Variants in XYLT1 observed in about 807,000 individuals in gnomAD.
The protein encoded by XYLT1 is beta-D-xylosyltransferase 1.
In XYLT1, 36 loss-of-function variants were observed where a neutral mutation model predicts 91.3. That is an observed-to-expected ratio of 0.39 (90% confidence interval 0.30 to 0.52). The LOEUF is 0.52. Ranked by LOEUF, XYLT1 falls within the 20% of genes least tolerant of loss-of-function variation. The pLI is 0.68. For missense variants in XYLT1, 1,242 were observed against 1,284.5 expected (o/e 0.97, Z 0.51); for synonymous variants, 588 against 532.0 (o/e 1.11, Z -1.45).
At chr16:17,441,383 T>C (rs1319241613) in intron 1 of XYLT1, among the ~76,000 whole-genome samples, 1 of 152,142 alleles carries the variant, frequency 6.6e-6, no homozygotes, top group African/African-American at 2.4e-5. Flanking sequence ...TTATTAAATA[T>C]TGCACTAAAA....
intron 1 of XYLT1, among the ~76,000 whole-genome samples, chr16:17,453,094 C>T (rs566649074): frequency 3.3e-5 from 5 of 152,276 alleles, no homozygotes; most frequent in Admixed American, 6.5e-5. Context: ...ATTTTAAAGA[C>T]GAAAACTGAG....
chr16:17,350,452 C>T (rs2035205455), intron 2 of XYLT1, among the ~76,000 whole-genome samples: 1 of 152,222 alleles, frequency 6.6e-6, no homozygotes, highest in South Asian at 2.1e-4. Context: ...TCCAGACTCC[C>T]TGTCCATTGA....
At chr16:17,126,201 G>A (rs7199226) in intron 10 of XYLT1, among the ~76,000 whole-genome samples, 98,323 of 151,596 alleles carry the variant, frequency 0.65, 32,783 homozygotes, top group Non-Finnish European at 0.71. Flanking sequence ...TGTGTAGTGA[G>A]GACCATCCCC....
At chr16:17,400,000 C>T (rs1377460425) in intron 1 of XYLT1, among the ~76,000 whole-genome samples, 2 of 152,212 alleles carry the variant, frequency 1.3e-5, no homozygotes, top group African/African-American at 4.8e-5. Context: ...AGGATCCAGC[C>T]AGCGGACTTC....
chr16:17,270,658 C>T (rs753083042), intron 2 of XYLT1, among the ~76,000 whole-genome samples: 11 of 152,186 alleles, frequency 7.2e-5, no homozygotes, highest in Non-Finnish European at 1.6e-4. Context: ...CTACCAGGCA[C>T]GGAGCTAAGC....
At chr16:17,444,926 C>T (rs1166861813) in intron 1 of XYLT1, among the ~76,000 whole-genome samples, 1 of 152,094 alleles carries the variant, frequency 6.6e-6, no homozygotes, top group Non-Finnish European at 1.5e-5. Context: ...AGCTATGGCA[C>T]CTGGAGCATA....
chr16:17,141,245 T>C lies in XYLT1; in HGVS notation c.1495A>G (p.Asn499Asp). Residue 499 changes from asparagine to aspartate, a missense_variant, in exon 7 of 12, where the codon AAC becomes GAC. This residue lies in a region of XYLT1 where 294 missense variants were observed against 376.0 expected (regional missense o/e 0.78). Coordinates refer to ENST00000261381, the MANE Select transcript of XYLT1 (RefSeq NM_022166.4). ...VDGGSDWFLL[N>D]RRFVEYVTFS... ...GTCACATATTCTACAAACCTCCGGTTCAGCAGGAACCAGTCCGAACCGCCA... is the reference window on the plus strand; with the variant it reads ...GTCACATATTCTACAAACCTCCGGTCCAGCAGGAACCAGTCCGAACCGCCA... The C allele has an allele frequency of 1.2e-6, 2 of 1,614,188 alleles. No homozygotes were observed. The highest frequency in any genetic ancestry group is 1.7e-6 in the Non-Finnish European group (2 of 1,180,030).
chr16:17,402,282 T>C (rs1313686270), intron 1 of XYLT1, among the ~76,000 whole-genome samples: 4 of 151,700 alleles, frequency 2.6e-5, no homozygotes, highest in African/African-American at 7.3e-5. Context: ...ATTGCCCCAC[T>C]GTACTCCAGC....
At chr16:17,135,820 C>T (rs551188999) in intron 8 of XYLT1, among the ~76,000 whole-genome samples, 1 of 152,290 alleles carries the variant, frequency 6.6e-6, no homozygotes, top group African/African-American at 2.4e-5. Context: ...GCTTTGAAAC[C>T]TTCAGCTTCG....
intron 5 of XYLT1, among the ~76,000 whole-genome samples, chr16:17,170,804 G>A (rs577162378): frequency 6.6e-6 from 1 of 152,084 alleles, no homozygotes; most frequent in East Asian, 1.9e-4. Context: ...TCTTCCTAAC[G>A]CACCTACACT....
intron 1 of XYLT1, among the ~76,000 whole-genome samples, chr16:17,393,443 C>T (rs960212246): frequency 3.3e-5 from 5 of 151,868 alleles, no homozygotes; most frequent in Admixed American, 3.3e-4. Flanking sequence ...TTCTCATCAT[C>T]CCCCCCAACC....
chr16:17,141,193 T>G lies in XYLT1; in HGVS notation c.1547A>C (p.Lys516Thr). The change falls in exon 7 of 12, where the codon AAG becomes ACG. Residue 516 changes from lysine (K) to threonine (T), a missense_variant. By Grantham distance (78) the Lys-to-Thr change is moderately conservative. Around this residue, in one of 3 missense-constraint regions of XYLT1, gnomAD observed 294 missense variants for 376.0 expected, o/e 0.78. Coordinates refer to ENST00000261381, the MANE Select transcript of XYLT1 (RefSeq NM_022166.4). ...VTFSTDDLVTKMKQFYSYTLL... is the reference protein window; with the variant it reads ...VTFSTDDLVTTMKQFYSYTLL... The stretch of plus-strand genomic sequence containing the variant: ...GGTGTAGGAGTAGAACTGTTTCATC[T>G]TGGTCACCAGATCGTCTGTGGAGAA... The G allele has an allele frequency of 6.2e-7, 1 of 1,614,252 alleles. No individual in the cohort carries two copies. The highest frequency in any genetic ancestry group is 2.2e-5 in the East Asian group (1 of 44,892).
chr16:17,138,317 A>G, intron 8 of XYLT1, 38 bp downstream of exon 8: 1 of 1,588,914 alleles, frequency 6.3e-7, no homozygotes, highest in Non-Finnish European at 8.6e-7. Context: ...TTGGGAAGGC[A>G]TCACTTAGGA....
intron 5 of XYLT1, among the ~76,000 whole-genome samples, chr16:17,178,784 T>C (rs921386539): frequency 1.3e-5 from 2 of 152,184 alleles, no homozygotes; most frequent in South Asian, 2.1e-4. Context: ...ATAAAAACTT[T>C]TGAGGCTGGG....
chr16:17,194,117 G>C (rs536940480), intron 5 of XYLT1: 3 of 152,214 alleles, frequency 2.0e-5, no homozygotes, highest in Non-Finnish European at 4.4e-5. Flanking sequence ...TACAAGATGA[G>C]ACCTTGGATG....
intron 2 of XYLT1, among the ~76,000 whole-genome samples, chr16:17,354,148 C>CA (rs2035260721): frequency 6.6e-6 from 1 of 152,066 alleles, no homozygotes; most frequent in Non-Finnish European, 1.5e-5. Flanking sequence ...TGGCAGTCAC[C>CA]ATCTGGAGAC....
chr16:17,177,283 G>C (rs1047999382), intron 5 of XYLT1, among the ~76,000 whole-genome samples: 5 of 152,152 alleles, frequency 3.3e-5, no homozygotes, highest in Admixed American at 2.6e-4. Context: ...CTGATGGTAG[G>C]ATTACTTAGT....
chr16:17,398,817 C>T (rs916674646), intron 1 of XYLT1, among the ~76,000 whole-genome samples: 1 of 43,436 alleles, frequency 2.3e-5, no homozygotes, highest in African/African-American at 1.2e-4. Flanking sequence ...CAAATGTCCC[C>T]GCCCCCCCCC....
chr16:17,467,590 C>G (rs1001766204), intron 1 of XYLT1, among the ~76,000 whole-genome samples: 1 of 152,196 alleles, frequency 6.6e-6, no homozygotes, highest in African/African-American at 2.4e-5. Flanking sequence ...TGCCCTCTGA[C>G]TCTGTCTACT....
Sources: allele counts gnomAD v4.1 joint callset (sites outside exome capture counted in the v4.1 genomes callset), GRCh38; gene constraint gnomAD v4.1.1; regional missense constraint gnomAD v4.1.1; transcripts MANE v1.5; gene names NCBI Gene and HGNC (gene_info 2026-07-23, HGNC 2026-07-21).